Variants in GATAD2A observed in about 807,000 individuals in gnomAD.
The protein encoded by GATAD2A is transcriptional repressor p66-alpha.
In GATAD2A, 12 loss-of-function variants were observed where a neutral mutation model predicts 68.5. The observed-to-expected ratio is 0.18, with a 90% CI of 0.11 to 0.28. GATAD2A has a LOEUF of 0.28. GATAD2A is among the 10% of genes least tolerant of loss of function. The pLI is 1.00. For synonymous variants in GATAD2A, 410 were observed against 375.3 expected (o/e 1.09, Z -1.07); for missense variants, 755 against 868.5 (o/e 0.87, Z 1.64).
At chr19:19,495,296 CTTTT>C (rs991177940) in intron 5 of GATAD2A, among the ~76,000 whole-genome samples, 2 of 148,634 alleles carry the variant, frequency 1.3e-5, no homozygotes, top group Non-Finnish European at 3.0e-5. Flanking sequence ...ACCCAGCCAG[CTTTT>C]TTTTCTTTTT....
At chr19:19,425,438 A>C (rs1181005313) in intron 1 of GATAD2A, among the ~76,000 whole-genome samples, 2 of 152,188 alleles carry the variant, frequency 1.3e-5, no homozygotes, top group Non-Finnish European at 2.9e-5. Flanking sequence ...ACACAGGTGC[A>C]TGTGCAAAGG....
chr19:19,430,859 C>T (rs936447426), intron 1 of GATAD2A, among the ~76,000 whole-genome samples: 6 of 152,150 alleles, frequency 3.9e-5, no homozygotes, highest in African/African-American at 1.4e-4. Flanking sequence ...GAAAGGACTT[C>T]TGTTGCCCAA....
At chr19:19,486,826 G>A (rs576992269) in intron 2 of GATAD2A, among the ~76,000 whole-genome samples, 11 of 152,340 alleles carry the variant, frequency 7.2e-5, no homozygotes, top group African/African-American at 2.6e-4. Flanking sequence ...AGGCAGCCCT[G>A]AGAGGCTGCG....
chr19:19,483,330 A>G (rs939407891), intron 2 of GATAD2A, among the ~76,000 whole-genome samples: 2 of 152,198 alleles, frequency 1.3e-5, no homozygotes, highest in African/African-American at 4.8e-5. Flanking sequence ...AGGAAGAATG[A>G]TGGCTGAGTT....
intron 1 of GATAD2A, chr19:19,436,360 C>T (rs879030784): frequency 2.1e-5 from 9 of 434,674 alleles, no homozygotes; most frequent in South Asian, 5.2e-5. Flanking sequence ...CCCCTGGGAT[C>T]GCACACTGTG....
chr19:19,471,931 T>G (rs2058341737), intron 2 of GATAD2A, among the ~76,000 whole-genome samples: 1 of 152,222 alleles, frequency 6.6e-6, no homozygotes, highest in South Asian at 2.1e-4. Context: ...GGTCTTGCAC[T>G]GTCGGCCAGG....
In GATAD2A at chr19:19,502,353, G is replaced by T. The variant is rs752376093; in HGVS notation, c.1601G>T (p.Gly534Val). ...CAGGCCTCCAGCCAGCTGTCCCGGG[G>T]TTCGGCCACGACGCCCCGAGGTGTC... The part of the protein sequence containing the change: ...VLQASSQLSR[G>V]SATTPRGVLH... The change falls in exon 11 of 12, where the codon GGT becomes GTT. Residue 534 changes from glycine (G) to valine (V), a missense_variant. Coordinates refer to ENST00000683918, the MANE Select transcript of GATAD2A (RefSeq NM_001384528.1). 2.5e-6 allele frequency: 4 copies of T among 1,612,514 alleles called. No individual in the cohort carries two copies. In the African/African-American group the frequency reaches 4.0e-5, roughly 16 times the overall value.
At chr19:19,474,544 G>T (rs2058539794) in intron 2 of GATAD2A, among the ~76,000 whole-genome samples, 1 of 152,168 alleles carries the variant, frequency 6.6e-6, no homozygotes, top group African/African-American at 2.4e-5. Context: ...CCCCTGGTGT[G>T]TATTGGTGTG....
At chr19:19,430,973 A>AGG (rs139484329) in intron 1 of GATAD2A, among the ~76,000 whole-genome samples, 57 of 96,680 alleles carry the variant, frequency 5.9e-4, no homozygotes, top group African/African-American at 1.4e-3. Context: ...GTTGTATGGT[A>AGG]GGGGTGTGTG....
At chr19:19,438,526 C>G (rs998798732) in intron 1 of GATAD2A, among the ~76,000 whole-genome samples, 2 of 152,206 alleles carry the variant, frequency 1.3e-5, no homozygotes, top group Admixed American at 1.3e-4. Context: ...GCTGTAGTTT[C>G]TCCTAGGCCC....
At chr19:19,411,081 C>T (rs1207212843) in intron 1 of GATAD2A, among the ~76,000 whole-genome samples, 1 of 152,206 alleles carries the variant, frequency 6.6e-6, no homozygotes, top group East Asian at 1.9e-4. Flanking sequence ...CTGCATGCCC[C>T]CTTTGGAGCC....
At chr19:19,476,574 GA>G (rs2058691023) in intron 2 of GATAD2A, among the ~76,000 whole-genome samples, 1 of 152,242 alleles carries the variant, frequency 6.6e-6, no homozygotes, top group South Asian at 2.1e-4. Flanking sequence ...CAGTTGCAGT[GA>G]AACCAACCTG....
chr19:19,495,714 G>GA (rs755391787), intron 5 of GATAD2A, 40 bp from the exon 6 acceptor site: 19 of 1,574,500 alleles, frequency 1.2e-5, no homozygotes, highest in Non-Finnish European at 1.6e-5. Flanking sequence ...GTGTGGGGGG[G>GA]TCCGGTCCAT....
chr19:19,463,784 C>T (rs1192324288), intron 1 of GATAD2A, among the ~76,000 whole-genome samples: 1 of 152,188 alleles, frequency 6.6e-6, no homozygotes, highest in Non-Finnish European at 1.5e-5. Flanking sequence ...GAGGAGACCC[C>T]AGTGTTTCAA....
intron 2 of GATAD2A, among the ~76,000 whole-genome samples, chr19:19,484,532 C>CTTTTT (rs897099165): frequency 2.3e-5 from 2 of 86,958 alleles, no homozygotes; most frequent in Non-Finnish European, 2.2e-5. Flanking sequence ...TTTTTTTTTT[C>CTTTTT]TTTTTTTTTT....
intron 2 of GATAD2A, among the ~76,000 whole-genome samples, chr19:19,479,553 A>C (rs1216944739): frequency 2.6e-5 from 4 of 152,116 alleles, no homozygotes; most frequent in Non-Finnish European, 5.9e-5. Flanking sequence ...AGTTTTGAGG[A>C]GCAGAGGTCA....
chr19:19,499,754 A>T (rs1231593230), intron 8 of GATAD2A, among the ~76,000 whole-genome samples: 1 of 152,092 alleles, frequency 6.6e-6, no homozygotes, highest in Non-Finnish European at 1.5e-5. Context: ...TCAAATGTAG[A>T]GTTGCTTGTA....
chr19:19,409,119 C>T (rs558577817), intron 1 of GATAD2A, among the ~76,000 whole-genome samples: 2 of 149,618 alleles, frequency 1.3e-5, no homozygotes, highest in South Asian at 4.2e-4. Flanking sequence ...AATGTAATGG[C>T]CCTTACCACT....
intron 4 of GATAD2A, 34 bp downstream of exon 4, chr19:19,492,746 C>T (rs973950082): frequency 1.2e-6 from 2 of 1,611,254 alleles, no homozygotes; most frequent in African/African-American, 2.7e-5. Context: ...CCTGGGCCAG[C>T]AGGAGCGCCT....
Sources: gnomAD v4.1 joint callset for allele counts (sites outside exome capture counted in the v4.1 genomes callset) on GRCh38, gnomAD v4.1.1 for gene constraint, MANE v1.5 for transcripts, NCBI Gene and HGNC (gene_info 2026-07-23, HGNC 2026-07-21) for gene names.